MICAL2: variants seen among roughly 807,000 people sequenced by gnomAD.
The protein encoded by MICAL2 is [F-actin]-monooxygenase MICAL2.
A neutral mutation model predicts 127.3 loss-of-function variants in MICAL2; 77 were observed. That is an observed-to-expected ratio of 0.60 (90% CI 0.50 to 0.73). The LOEUF is 0.73. MICAL2 is among the 30% of genes least tolerant of loss of function. The probability of loss-of-function intolerance (pLI) is 0.00; values close to 1 mark genes in which losing one functional copy is unlikely to be tolerated. For missense variants in MICAL2, 1,351 were observed against 1,434.4 expected (o/e 0.94, Z 0.94); for synonymous variants, 570 against 551.1 (o/e 1.03, Z -0.48).
chr11:12,240,645 C>T (rs1480599636), intron 17 of MICAL2, among the ~76,000 whole-genome samples: 1 of 152,306 alleles, frequency 6.6e-6, no homozygotes, highest in African/African-American at 2.4e-5. Flanking sequence ...TCAGAAGCAC[C>T]GGAGCGTCCC....
intron 2 of MICAL2, 71 bp from the exon 3 acceptor site, chr11:12,162,008 C>A: frequency 2.0e-6 from 2 of 1,008,722 alleles, no homozygotes; most frequent in Non-Finnish European, 1.4e-6. Flanking sequence ...TGCATTTTTA[C>A]TTCTCAGCAC....
At position 12,224,726 on chromosome 11, in the gene MICAL2, G is replaced by A. The variant is rs1223433336; in HGVS notation, c.1594G>A (p.Gly532Ser). 1 of 1,614,078 alleles carries A rather than the reference G, an allele frequency of 6.2e-7. No individual in the cohort carries two copies. Among genetic ancestry groups the A allele is most frequent in the South Asian group, 1.1e-5 (1 of 91,086 alleles). The part of the protein sequence containing the change: ...LLTWCQQQTE[G>S]YQHVNVTDLT... ...GACCTGGTGCCAGCAGCAGACAGAG[G>A]GCTACCAGCATGTCAACGTCACCGA... is the stretch of plus-strand genomic sequence containing the variant. Residue 532 changes from glycine to serine, a missense_variant, in exon 13 of 28, where the codon GGC (glycine) becomes AGC (serine). By Grantham distance (56) the Gly-to-Ser change is moderately conservative. Coordinates refer to ENST00000683283, the MANE Select transcript of MICAL2 (RefSeq NM_001282663.2).
At chr11:12,315,597 C>A (rs550829265) in intron 29 of MICAL2, among the ~76,000 whole-genome samples, 1 of 152,162 alleles carries the variant, frequency 6.6e-6, no homozygotes, top group Non-Finnish European at 1.5e-5. Flanking sequence ...CTCCTGTGGT[C>A]AGAGAACATG....
intron 17 of MICAL2, among the ~76,000 whole-genome samples, chr11:12,240,135 T>C (rs1383850462): frequency 6.6e-6 from 1 of 152,208 alleles, no homozygotes; most frequent in Non-Finnish European, 1.5e-5. Flanking sequence ...CCCAGGTGTT[T>C]CCTGGCACTC....
chr11:12,196,326 C>A (rs1859919719), intron 3 of MICAL2: 2 of 152,246 alleles, frequency 1.3e-5, no homozygotes, highest in Admixed American at 6.6e-5. Context: ...AATAAGAGTT[C>A]AGTTGTAGAT....
At chr11:12,111,989 C>T (rs898865616) in intron 1 of MICAL2, among the ~76,000 whole-genome samples, 1 of 152,248 alleles carries the variant, frequency 6.6e-6, no homozygotes, top group East Asian at 1.9e-4. Context: ...GCCTACTGGG[C>T]AACAGGTCCT....
chr11:12,272,938 G>A (rs565887332), upstream of MICAL2, among the ~76,000 whole-genome samples: 8 of 152,166 alleles, frequency 5.3e-5, no homozygotes, highest in Non-Finnish European at 8.8e-5. Flanking sequence ...AAGCCTTGCC[G>A]CCAAGCCTCA....
At chr11:12,293,971 G>T (rs574667391), downstream of MICAL2, 8 of 1,614,174 alleles carry the variant, frequency 5.0e-6, no homozygotes, top group East Asian at 4.5e-5. Context: ...GCCTGAAGAA[G>T]TTAGTCCTCA....
intron 29 of MICAL2, among the ~76,000 whole-genome samples, chr11:12,304,693 CAA>C (rs1404954700): frequency 2.2e-5 from 3 of 138,394 alleles, no homozygotes; most frequent in African/African-American, 5.2e-5. Flanking sequence ...CACACACACA[CAA>C]AACATTCTTC....
intron 3 of MICAL2, among the ~76,000 whole-genome samples, chr11:12,175,258 C>T (rs1856706006): frequency 6.6e-6 from 1 of 152,056 alleles, no homozygotes; most frequent in African/African-American, 2.4e-5. Context: ...TGCAAATCAC[C>T]TGAGGTCAGA....
upstream of MICAL2, among the ~76,000 whole-genome samples, chr11:12,273,981 C>T (rs944343813): frequency 6.6e-6 from 1 of 151,962 alleles, no homozygotes; most frequent in East Asian, 1.9e-4. Flanking sequence ...TGTAGCCAAC[C>T]CTTCCAGGAA....
chr11:12,192,889 A>G (rs1859391165), intron 3 of MICAL2, among the ~76,000 whole-genome samples: 2 of 152,134 alleles, frequency 1.3e-5, no homozygotes, highest in African/African-American at 4.8e-5. Context: ...TTTTATGAAC[A>G]ATTCTGCAGT....
At chr11:12,142,964 G>A (rs948964168) in intron 2 of MICAL2, among the ~76,000 whole-genome samples, 1 of 152,236 alleles carries the variant, frequency 6.6e-6, no homozygotes, top group African/African-American at 2.4e-5. Context: ...CCAAATGCCA[G>A]GTCCTGGGCT....
chr11:12,115,845 G>A (rs1045084250), intron 1 of MICAL2, among the ~76,000 whole-genome samples: 6 of 152,130 alleles, frequency 3.9e-5, no homozygotes, highest in Admixed American at 1.3e-4. Context: ...AATTATACGT[G>A]TATTTGGAAC....
At chr11:12,181,380 C>G (rs1210161780) in intron 3 of MICAL2, among the ~76,000 whole-genome samples, 1 of 152,194 alleles carries the variant, frequency 6.6e-6, no homozygotes, top group Non-Finnish European at 1.5e-5. Context: ...AGTCCTGGTA[C>G]TATGAATCTG....
At chr11:12,317,107 AT>A (rs1375106780) in intron 29 of MICAL2, among the ~76,000 whole-genome samples, 2 of 152,190 alleles carry the variant, frequency 1.3e-5, no homozygotes, top group Non-Finnish European at 2.9e-5. Flanking sequence ...GGGGATTTCT[AT>A]GCTTAGGTGT....
chr11:12,289,248 T>C (rs1404556657), downstream of MICAL2, among the ~76,000 whole-genome samples: 1 of 152,186 alleles, frequency 6.6e-6, no homozygotes, highest in Non-Finnish European at 1.5e-5. Flanking sequence ...AAAACAACCC[T>C]AAGGGCCAGC....
chr11:12,353,532 G>T (rs541022512), intron 33 of MICAL2, among the ~76,000 whole-genome samples: 4 of 152,258 alleles, frequency 2.6e-5, no homozygotes, highest in African/African-American at 9.6e-5. Context: ...TGCCACATCT[G>T]TGTGTGGTCC....
At chr11:12,168,581 T>A (rs1470704393) in intron 3 of MICAL2, among the ~76,000 whole-genome samples, 1 of 151,802 alleles carries the variant, frequency 6.6e-6, no homozygotes, top group East Asian at 1.9e-4. Flanking sequence ...TCTTTAAATA[T>A]GTATATATAA....
Sources: allele counts gnomAD v4.1 joint callset (sites outside exome capture counted in the v4.1 genomes callset), GRCh38; gene constraint gnomAD v4.1.1; transcripts MANE v1.5; gene names NCBI Gene and HGNC (gene_info 2026-07-23, HGNC 2026-07-21).